Variants in ZNF469 observed in about 807,000 individuals in gnomAD.
ZNF469 encodes the protein zinc finger protein 469.
ZNF469 carries 1 observed loss-of-function variant against 1.0 expected under a neutral mutation model. The ratio of observed to expected loss-of-function variants is 1.00; its 90% CI spans 0.35 to 4.73. ZNF469 has a LOEUF of 4.73. ZNF469 is among the 30% of genes most tolerant of loss of function. The pLI, the probability that ZNF469 is intolerant of heterozygous loss-of-function variation, is 0.16. For missense variants in ZNF469, 6,100 were observed against 5,356.3 expected, an observed-to-expected ratio of 1.14 and a Z score of -4.33; for synonymous variants, 2,703 against 2,363.4, an observed-to-expected ratio of 1.14 and a Z score of -4.17.
At position 88,433,079 on chromosome 16, in the gene ZNF469, G is replaced by A. The variant is rs1270184350; in HGVS notation, c.5609G>A (p.Gly1870Asp). 6.5e-6 allele frequency: 10 copies of A among 1,550,208 alleles called. No homozygotes were observed. The highest frequency in any genetic ancestry group is 7.8e-6 in the Non-Finnish European group (9 of 1,146,956). ...AGASSLTAPR[G>D]REAWLVPVPS... ...GCCTCCTCACTGACTGCCCCCCGGG[G>A]CAGGGAGGCTTGGTTGGTCCCTGTG... Residue 1870 changes from glycine (G) to aspartate (D), a missense_variant, in exon 3 of 3, where the codon GGC (glycine) becomes GAC (aspartate). Gly to Asp is a moderately conservative substitution (Grantham distance 94, BLOSUM62 -1). Transcript: ENST00000565624.
At chr16:88,341,736 G>A in the ZNF469 span, among the ~76,000 whole-genome samples, 1 of 152,194 alleles carries the variant, frequency 6.6e-6, no homozygotes, top group Non-Finnish European at 1.5e-5. Flanking sequence ...TCCACAGACT[G>A]GGGGTGGGGT....
At chr16:88,130,664 C>T in the ZNF469 span, among the ~76,000 whole-genome samples, 1 of 148,818 alleles carries the variant, frequency 6.7e-6, no homozygotes, top group Non-Finnish European at 1.5e-5. Context: ...CGAGATCGCG[C>T]CATTGCACTC....
At chr16:88,353,466 C>T in the ZNF469 span, among the ~76,000 whole-genome samples, 1 of 152,200 alleles carries the variant, frequency 6.6e-6, no homozygotes, top group Non-Finnish European at 1.5e-5. Context: ...TGGCCCCCTT[C>T]ACGCTGTACA....
rs4782348 is a variant in ZNF469 at position 88,399,721 on chromosome 16, C to T, written c.-192+16467C>T. 1.1e-4 allele frequency among the ~76,000 whole-genome samples: 16 copies of T among 152,290 alleles called. 1 individual carries two copies. The highest frequency in any genetic ancestry group is 3.9e-4 in the African/African-American group (16 of 41,538). On this transcript the variant is annotated intron_variant, in intron 1 of 2. Transcript: ENST00000565624. The stretch of plus-strand genomic sequence containing the variant: ...TATGTGAGCTGCCCCCAGCCTCACT[C>T]CTGCAGCCTGAACCAGCTGTGCACC...
the ZNF469 span, among the ~76,000 whole-genome samples, chr16:88,238,074 C>G: frequency 6.6e-6 from 1 of 152,226 alleles, no homozygotes; most frequent in Non-Finnish European, 1.5e-5. Flanking sequence ...ATGAAGGTAT[C>G]TTGGTTTCTC....
At chr16:88,231,984 C>G in the ZNF469 span, among the ~76,000 whole-genome samples, 2 of 152,176 alleles carry the variant, frequency 1.3e-5, no homozygotes, top group African/African-American at 4.8e-5. This position sits in a 1 kb window ranked among gnomAD's most constrained non-coding sequence, Gnocchi z 4.5. Flanking sequence ...CGGCCCCAAT[C>G]TCCCTGCTGC....
the ZNF469 span, among the ~76,000 whole-genome samples, chr16:88,264,624 C>G: frequency 6.6e-6 from 1 of 151,874 alleles, no homozygotes; most frequent in East Asian, 1.9e-4. Flanking sequence ...CCACATCCCC[C>G]TCCCCAGCAC....
the ZNF469 span, among the ~76,000 whole-genome samples, chr16:88,299,083 A>G: frequency 7.5e-6 from 1 of 133,346 alleles, no homozygotes. Context: ...AATGGGGGGC[A>G]GGGAGGGCTT....
the ZNF469 span, among the ~76,000 whole-genome samples, chr16:88,347,190 G>T: frequency 6.6e-6 from 1 of 152,130 alleles, no homozygotes; most frequent in Non-Finnish European, 1.5e-5. Context: ...CCACACCTAT[G>T]AGGCAATGCA....
chr16:88,187,608 G>T, the ZNF469 span, among the ~76,000 whole-genome samples: 7 of 150,706 alleles, frequency 4.6e-5, no homozygotes, highest in Non-Finnish European at 4.4e-5. Context: ...TATTTTTTTT[G>T]ACTTGAAGAA....
At chr16:88,111,696 G>A in the ZNF469 span, among the ~76,000 whole-genome samples, 1 of 152,296 alleles carries the variant, frequency 6.6e-6, no homozygotes, top group East Asian at 1.9e-4. Context: ...GAGTGCAGTG[G>A]TGCCATCTCA....
chr16:88,310,302 G>A, the ZNF469 span, among the ~76,000 whole-genome samples: 2 of 152,188 alleles, frequency 1.3e-5, no homozygotes, highest in East Asian at 1.9e-4. Context: ...GGGGAGCTGG[G>A]GGGTGGGAGC....
chr16:88,285,098 G>T, the ZNF469 span, among the ~76,000 whole-genome samples: 4 of 152,332 alleles, frequency 2.6e-5, no homozygotes, highest in South Asian at 8.3e-4. Context: ...CCTCATACCC[G>T]TCAGCTTCAG....
chr16:88,296,513 C>T, the ZNF469 span, among the ~76,000 whole-genome samples: 3 of 151,502 alleles, frequency 2.0e-5, no homozygotes, highest in Non-Finnish European at 4.4e-5. Flanking sequence ...ACAAGCTCAC[C>T]CTCCCCACAC....
the ZNF469 span, among the ~76,000 whole-genome samples, chr16:88,332,747 C>T: frequency 1.3e-5 from 2 of 152,104 alleles, no homozygotes; most frequent in Admixed American, 1.3e-4. Context: ...AGGGTGAGGG[C>T]CCCCAGCACC....
rs1457526176 is a variant in ZNF469, at chr16:88,435,080, A to G, written c.7610A>G (p.Glu2537Gly). The part of the protein sequence containing the change: ...RKKSHRVSGK[E>G]RPNHSRGDPS... ...AAAAGCCACAGGGTGTCTGGGAAGG[A>G]GAGACCAAATCACTCACGGGGAGAC... The change falls in exon 3 of 3, where the codon GAG (glutamate) becomes GGG (glycine). Residue 2537 changes from glutamate to glycine, a missense_variant. Physicochemically the swap from Glu to Gly is moderately conservative, Grantham distance 98 (BLOSUM62 -2). Coordinates refer to ENST00000565624, the MANE Select transcript of ZNF469 (RefSeq NM_001367624.2). The G allele has an allele frequency of 9.0e-6, 14 of 1,550,264 alleles. 1 individual carries two copies. The East Asian group carries it at 3.2e-4, about 35-fold the overall frequency.
the ZNF469 span, among the ~76,000 whole-genome samples, chr16:88,371,946 CACCATCACCACCATCAT>C: frequency 6.9e-6 from 1 of 145,522 alleles, no homozygotes; most frequent in South Asian, 2.3e-4. Flanking sequence ...CCACCATCAT[CACCATCACCACCATCAT>C]CACCATCACC....
At chr16:88,297,268 C>T in the ZNF469 span, among the ~76,000 whole-genome samples, 2 of 152,130 alleles carry the variant, frequency 1.3e-5, no homozygotes, top group Admixed American at 6.5e-5. Flanking sequence ...AAGCTAATGG[C>T]GGGGGGCTGG....
chr16:88,359,318 C>A, the ZNF469 span, among the ~76,000 whole-genome samples: 20 of 150,758 alleles, frequency 1.3e-4, no homozygotes, highest in African/African-American at 4.4e-4. Flanking sequence ...GGTATCCTGC[C>A]CGCATTTGCT....
Sources: allele counts gnomAD v4.1 joint callset (sites outside exome capture counted in the v4.1 genomes callset), GRCh38; gene constraint gnomAD v4.1.1; non-coding constraint Gnocchi (gnomAD v3.1); transcripts MANE v1.5; gene names NCBI Gene and HGNC (gene_info 2026-07-23, HGNC 2026-07-21).